ZNF682: variants seen among roughly 807,000 people sequenced by gnomAD.
ZNF682 encodes zinc finger protein 682.
In ZNF682, 29 loss-of-function variants were observed where a neutral mutation model predicts 36.5. The observed-to-expected ratio is 0.80, with a 90% CI of 0.59 to 1.08. The LOEUF (loss-of-function observed/expected upper bound fraction) is 1.08, where lower values mean the gene tolerates loss of function less well. Among genes scored for constraint, ZNF682 ranks in the 50% least tolerant of loss-of-function variants. The probability of loss-of-function intolerance (pLI) is 0.00; values close to 1 mark genes in which losing one functional copy is unlikely to be tolerated. For synonymous variants in ZNF682, 180 were observed against 197.0 expected, an observed-to-expected ratio of 0.91 and a Z score of 0.72; for missense variants, 561 against 579.7, an observed-to-expected ratio of 0.97 and a Z score of 0.33.
chr19:20,039,417 A>C lies in ZNF682; in HGVS notation c.-72T>G. ...GCATCTGCAAGTCAGAGGGCAACAG[A>C]GGCTGCGACAGTCACCGGGAACTAC... On this transcript the variant is annotated 5_prime_UTR_variant, in exon 1 of 4. Transcript: ENST00000397165. The C allele has an allele frequency of 1.3e-6, 2 of 1,595,850 alleles. No individual in the cohort carries two copies. Among genetic ancestry groups the C allele is most frequent in the Non-Finnish European group, 8.5e-7 (1 of 1,171,500 alleles).
downstream of ZNF682, among the ~76,000 whole-genome samples, chr19:20,001,522 A>T (rs142673370): frequency 6.6e-6 from 1 of 152,334 alleles, no homozygotes; most frequent in East Asian, 1.9e-4. Context: ...GCAGCCTGGT[A>T]TAACATCCTA....
At chr19:20,003,942 T>TGA (rs1452872607), downstream of ZNF682, among the ~76,000 whole-genome samples, 6 of 152,210 alleles carry the variant, frequency 3.9e-5, no homozygotes, top group Non-Finnish European at 5.9e-5. Context: ...CTTCTCAAAA[T>TGA]AGGTACACAT....
rs774780429 is a variant in ZNF682 at position 20,006,002 on chromosome 19, T to G, written c.*3A>C. ...TTGTAGGATTTCTCTTTAGTAAAAATTCTTACGTAGTAAGGTTTGAGCAGT... is the reference window on the plus strand; with the variant it reads ...TTGTAGGATTTCTCTTTAGTAAAAAGTCTTACGTAGTAAGGTTTGAGCAGT... On this transcript the variant is annotated 3_prime_UTR_variant, in exon 4 of 4. Transcript: ENST00000397165. 1 of 1,563,056 alleles carries G rather than the reference T, an allele frequency of 6.4e-7. No homozygotes were observed. Among genetic ancestry groups the G allele is most frequent in the Admixed American group, 2.0e-5 (1 of 50,144 alleles).
intron 1 of ZNF682, among the ~76,000 whole-genome samples, chr19:20,025,242 G>A (rs769506634): frequency 6.6e-6 from 1 of 152,164 alleles, no homozygotes; most frequent in African/African-American, 2.4e-5. Flanking sequence ...AAAAGAAAGG[G>A]AAGTTTGCAG....
intron 1 of ZNF682, among the ~76,000 whole-genome samples, chr19:20,029,487 G>A (rs2088461549): frequency 1.3e-5 from 2 of 151,324 alleles, no homozygotes; most frequent in Admixed American, 6.6e-5. Context: ...TGTAGCCCCA[G>A]CTACTTGGGA....
chr19:20,003,145 CG>C (rs1455837989), downstream of ZNF682, among the ~76,000 whole-genome samples: 1 of 120,232 alleles, frequency 8.3e-6, no homozygotes, highest in Non-Finnish European at 1.6e-5. Context: ...GAGCCGAGAT[CG>C]CACCACTGCA....
intron 1 of ZNF682, among the ~76,000 whole-genome samples, chr19:20,028,979 A>T (rs1206381073): frequency 1.4e-5 from 2 of 138,782 alleles, no homozygotes; most frequent in Admixed American, 7.4e-5. Flanking sequence ...TCTATCACTG[A>T]TTTTTTTTTT....
chr19:20,025,115 G>C (rs1172423593), intron 1 of ZNF682, among the ~76,000 whole-genome samples: 4 of 152,104 alleles, frequency 2.6e-5, no homozygotes, highest in African/African-American at 7.2e-5. Flanking sequence ...TTGATACCAA[G>C]GCATCCGAAT....
chr19:20,023,630 A>T (rs768221745), intron 2 of ZNF682, among the ~76,000 whole-genome samples: 6 of 152,098 alleles, frequency 3.9e-5, no homozygotes, highest in Non-Finnish European at 7.4e-5. Context: ...TAGAAGTTGG[A>T]TTTTAAGGTC....
At chr19:20,010,275 A>G (rs1599604943) in intron 3 of ZNF682, among the ~76,000 whole-genome samples, 1 of 152,226 alleles carries the variant, frequency 6.6e-6, no homozygotes, top group African/African-American at 2.4e-5. Context: ...AAGCAACTGT[A>G]CAATCAAGAC....
chr19:20,029,730 T>C (rs2088464256), intron 1 of ZNF682, among the ~76,000 whole-genome samples: 1 of 152,218 alleles, frequency 6.6e-6, no homozygotes, highest in East Asian at 1.9e-4. Context: ...GGTTTATATT[T>C]ACTTTCTTGT....
downstream of ZNF682, among the ~76,000 whole-genome samples, chr19:19,995,202 A>G (rs1431883898): frequency 6.6e-6 from 1 of 151,976 alleles, no homozygotes; most frequent in Non-Finnish European, 1.5e-5. Flanking sequence ...ATAATAAGCA[A>G]ATCAATATAA....
chr19:20,021,605 C>T (rs930261751), intron 3 of ZNF682, among the ~76,000 whole-genome samples: 1 of 152,160 alleles, frequency 6.6e-6, no homozygotes. Flanking sequence ...TTACACTTTA[C>T]ATAATAAATA....
downstream of ZNF682, among the ~76,000 whole-genome samples, chr19:19,996,744 C>T (rs539926960): frequency 6.9e-4 from 105 of 152,082 alleles, no homozygotes; most frequent in African/African-American, 2.2e-3. Flanking sequence ...ATGATGGGTG[C>T]GTCAAAATCT....
chr19:20,024,200 A>G (rs1028038398), intron 2 of ZNF682, 50 bp downstream of exon 2: 1 of 1,606,962 alleles, frequency 6.2e-7, no homozygotes, highest in African/African-American at 1.3e-5. Context: ...AGAGGAAGAA[A>G]ATAAAATCTT....
downstream of ZNF682, among the ~76,000 whole-genome samples, chr19:19,995,890 T>C (rs537502681): frequency 6.0e-4 from 92 of 152,312 alleles, no homozygotes; most frequent in South Asian, 9.9e-3. Flanking sequence ...ACTCGAAAGT[T>C]TGGGAGAAAT....
intron 1 of ZNF682, among the ~76,000 whole-genome samples, chr19:20,025,766 T>C (rs764468694): frequency 6.6e-6 from 1 of 151,350 alleles, no homozygotes; most frequent in Non-Finnish European, 1.5e-5. Context: ...CAGACAATCA[T>C]CAGAGCTATG....
intron 3 of ZNF682, 144 bp downstream of exon 3, chr19:20,022,860 T>C: frequency 1.4e-6 from 1 of 700,842 alleles, no homozygotes; most frequent in Non-Finnish European, 2.5e-6. Context: ...AAGATGCCTC[T>C]GTACAAGAGC....
intron 3 of ZNF682, among the ~76,000 whole-genome samples, chr19:20,014,263 T>C (rs1252270172): frequency 6.6e-6 from 1 of 152,302 alleles, no homozygotes; most frequent in South Asian, 2.1e-4. Flanking sequence ...AGTTTAGTAC[T>C]AGCATAAAGG....
Sources: gnomAD v4.1 joint callset for allele counts (sites outside exome capture counted in the v4.1 genomes callset) on GRCh38, gnomAD v4.1.1 for gene constraint, MANE v1.5 for transcripts, NCBI Gene and HGNC (gene_info 2026-07-23, HGNC 2026-07-21) for gene names.